Variants in WDR17 observed in about 807,000 individuals in gnomAD.
The protein encoded by WDR17 is WD repeat-containing protein 17.
WDR17 carries 143 observed loss-of-function variants against 161.7 expected under a neutral mutation model. The ratio of observed to expected loss-of-function variants is 0.88; its 90% confidence interval spans 0.77 to 1.02. The LOEUF is 1.02. Ranked by LOEUF, WDR17 falls within the 50% of genes least tolerant of loss-of-function variation. The probability of loss-of-function intolerance (pLI) is 0.00; values close to 1 mark genes in which losing one functional copy is unlikely to be tolerated. For synonymous variants in WDR17, 517 were observed against 515.6 expected, an observed-to-expected ratio of 1.00 and a Z score of -0.04; for missense variants, 1,469 against 1,520.9, an observed-to-expected ratio of 0.97 and a Z score of 0.57.
At chr4:176,088,552 C>G (rs1205296099) in intron 1 of WDR17, among the ~76,000 whole-genome samples, 3 of 152,158 alleles carry the variant, frequency 2.0e-5, no homozygotes, top group Non-Finnish European at 4.4e-5. Context: ...AAATATTTTT[C>G]TATGTAGATT....
chr4:176,179,585 G>T lies in WDR17; in HGVS notation c.*6G>T. 13 of 1,539,438 alleles carry T rather than the reference G, an allele frequency of 8.4e-6. No individual in the cohort carries two copies. The highest frequency in any genetic ancestry group is 1.0e-5 in the Non-Finnish European group (12 of 1,144,044). On this transcript the variant is annotated 3_prime_UTR_variant, in exon 29 of 29. Transcript: ENST00000508596. ...TACGACTCAATCCATTCTGATAGAAGATTTTTGTCCATGCTTGATTTTTTT... is the reference window on the plus strand; with the variant it reads ...TACGACTCAATCCATTCTGATAGAATATTTTTGTCCATGCTTGATTTTTTT...
chr4:176,143,400 C>T (rs1041670690), intron 11 of WDR17, among the ~76,000 whole-genome samples: 1 of 151,782 alleles, frequency 6.6e-6, no homozygotes, highest in Non-Finnish European at 1.5e-5. Context: ...TATGGTGGCT[C>T]ATGCCTCTAA....
Position 176,125,379 on chromosome 4 carries a change from A to C in WDR17, c.790+24A>C. 1.9e-6 allele frequency: 3 copies of C among 1,607,790 alleles called. No individual in the cohort carries two copies. The South Asian group carries it at 3.3e-5, about 18-fold the overall frequency. On this transcript the variant is annotated intron_variant, in intron 5 of 28. Coordinates refer to ENST00000508596, the MANE Select transcript of WDR17 (RefSeq NM_181265.4). ...AGGTAAGCTAATCCCCATAACCCAG[A>C]GTTTTAAATACGTGTATATATTCTT... is the stretch of plus-strand genomic sequence containing the variant.
chr4:176,155,537 T>G (rs1401168755), intron 17 of WDR17, among the ~76,000 whole-genome samples: 2 of 143,592 alleles, frequency 1.4e-5, no homozygotes, highest in Admixed American at 7.0e-5. Context: ...TTTTGTTTAT[T>G]TGTTTGTGTT....
intron 1 of WDR17, among the ~76,000 whole-genome samples, chr4:176,106,900 A>G (rs1457728100): frequency 2.6e-5 from 4 of 152,170 alleles, no homozygotes; most frequent in Non-Finnish European, 4.4e-5. Context: ...GCAGTGAACT[A>G]TGATCATGCC....
intron 1 of WDR17, among the ~76,000 whole-genome samples, chr4:176,101,932 G>A (rs1274828919): frequency 6.6e-6 from 1 of 152,124 alleles, no homozygotes; most frequent in East Asian, 1.9e-4. Flanking sequence ...CTCATAGAAG[G>A]TAACATAAGA....
intron 1 of WDR17, among the ~76,000 whole-genome samples, chr4:176,072,014 G>C (rs1355818873): frequency 6.6e-6 from 1 of 152,126 alleles, no homozygotes; most frequent in Admixed American, 6.5e-5. Flanking sequence ...GTCCAAAGTA[G>C]AACTGCCATA....
chr4:176,104,130 A>G (rs1294392368), intron 1 of WDR17, among the ~76,000 whole-genome samples: 1 of 152,158 alleles, frequency 6.6e-6, no homozygotes, highest in Non-Finnish European at 1.5e-5. Flanking sequence ...TGCTAAAAGA[A>G]AAAAAGAATG....
intron 1 of WDR17, among the ~76,000 whole-genome samples, chr4:176,101,808 A>G (rs1240974023): frequency 6.6e-6 from 1 of 152,126 alleles, no homozygotes; most frequent in African/African-American, 2.4e-5. Flanking sequence ...TGAGGCTGGA[A>G]TAACTGGATA....
At chr4:176,176,831 T>G (rs1487691963) in intron 26 of WDR17, among the ~76,000 whole-genome samples, 1 of 152,092 alleles carries the variant, frequency 6.6e-6, no homozygotes, top group African/African-American at 2.4e-5. Context: ...CATTTACTCA[T>G]CCACCCAATG....
intron 1 of WDR17, among the ~76,000 whole-genome samples, chr4:176,086,931 G>A (rs1025835182): frequency 2.6e-5 from 4 of 151,382 alleles, no homozygotes; most frequent in East Asian, 1.9e-4. Context: ...TGGAGATTCC[G>A]GCATGTAAAT....
At chr4:176,159,280 C>CGT (rs1172094181) in intron 18 of WDR17, among the ~76,000 whole-genome samples, 34 of 147,278 alleles carry the variant, frequency 2.3e-4, no homozygotes, top group African/African-American at 8.4e-4. Context: ...CACATGCACA[C>CGT]ACACACACAC....
At chr4:176,086,450 G>A (rs1735428249) in intron 1 of WDR17, among the ~76,000 whole-genome samples, 1 of 151,630 alleles carries the variant, frequency 6.6e-6, no homozygotes, top group Non-Finnish European at 1.5e-5. Context: ...TGTCATTCTT[G>A]CTTTATATAA....
chr4:176,179,248 A>G (rs560966854), intron 28 of WDR17, among the ~76,000 whole-genome samples: 3 of 152,322 alleles, frequency 2.0e-5, no homozygotes, highest in African/African-American at 7.2e-5. Context: ...AACAGATATT[A>G]GGGTATAATG....
chr4:176,135,131 C>A lies in WDR17; in HGVS notation c.1122C>A (p.Asp374Glu), dbSNP rs1206402582. 2.5e-6 allele frequency: 4 copies of A among 1,611,920 alleles called. No individual in the cohort carries two copies. In the Admixed American group the frequency reaches 5.0e-5, roughly 20 times the overall value. ...RDLGHVETIF[D>E]CKFKPDDPNL... ...AGGGACATGTGGAAACTATCTTTGA[C>A]TGCAAATTCAAACCTGACGATCCTA... is the stretch of plus-strand genomic sequence containing the variant. The change falls in exon 8 of 29, where the codon GAC becomes GAA. Residue 374 changes from aspartate to glutamate, a missense_variant. Transcript: ENST00000508596.
chr4:176,128,623 T>A (rs1221682422), intron 5 of WDR17, 115 bp from the exon 6 acceptor site: 12 of 969,032 alleles, frequency 1.2e-5, no homozygotes, highest in Non-Finnish European at 1.7e-5. Context: ...GTTAAAAGGA[T>A]GTCAGTAATT....
At chr4:176,146,927 C>T (rs1746268847) in intron 12 of WDR17, among the ~76,000 whole-genome samples, 1 of 151,890 alleles carries the variant, frequency 6.6e-6, no homozygotes, top group Non-Finnish European at 1.5e-5. Flanking sequence ...AGTGCAGTGG[C>T]ATGATCTCAG....
intron 3 of WDR17, among the ~76,000 whole-genome samples, chr4:176,119,104 C>T (rs1387950309): frequency 6.6e-6 from 1 of 152,118 alleles, no homozygotes; most frequent in Non-Finnish European, 1.5e-5. Flanking sequence ...ATCTCTCTCT[C>T]ATAAATTTCT....
intron 6 of WDR17, among the ~76,000 whole-genome samples, chr4:176,130,787 A>G (rs1248125646): frequency 6.6e-6 from 1 of 151,658 alleles, no homozygotes. Context: ...TCCATATTCC[A>G]GTGTACAATT....
Sources: allele counts gnomAD v4.1 joint callset (sites outside exome capture counted in the v4.1 genomes callset), GRCh38; gene constraint gnomAD v4.1.1; transcripts MANE v1.5; gene names NCBI Gene and HGNC (gene_info 2026-07-23, HGNC 2026-07-21).